Variants in STIM2 observed in about 807,000 individuals in gnomAD.
The protein encoded by STIM2 is stromal interaction molecule 2.
Under a neutral mutation model 85.8 loss-of-function variants are expected in STIM2, and 31 were observed. That is an observed-to-expected ratio of 0.36 (90% CI 0.27 to 0.49). The LOEUF (loss-of-function observed/expected upper bound fraction) is 0.49, where lower values mean the gene tolerates loss of function less well. Ranked by LOEUF, STIM2 falls within the 20% of genes least tolerant of loss-of-function variation. STIM2 has a pLI of 0.98. For synonymous variants in STIM2, 356 were observed against 331.1 expected (o/e 1.08, Z -0.82); for missense variants, 841 against 927.6 (o/e 0.91, Z 1.21).
At chr4:26,976,294 A>G (rs897988935) in intron 3 of STIM2, among the ~76,000 whole-genome samples, 2 of 150,098 alleles carry the variant, frequency 1.3e-5, no homozygotes, top group African/African-American at 4.9e-5. Flanking sequence ...CCAGGTACCT[A>G]TTGGAAATGC....
At chr4:26,873,830 C>T (rs554746581) in intron 1 of STIM2, 41 of 949,160 alleles carry the variant, frequency 4.3e-5, no homozygotes, top group Admixed American at 7.3e-5. Flanking sequence ...CCGCCTCAAC[C>T]GCCGTAGTGG....
At position 27,023,129 on chromosome 4, in the gene STIM2, A is replaced by T; in HGVS notation, c.*133A>T. 2.4e-6 allele frequency: 2 copies of T among 827,640 alleles called. No homozygotes were observed. The highest frequency in any genetic ancestry group is 3.8e-6 in the Non-Finnish European group (2 of 521,206). The allele number at this position is 827,640 out of a possible 1,614,324, so 51.3% of individuals were successfully genotyped here. ...TGGGGCTTTCCAGGCCGGATGCCATAGTGGAACATCCAGAAGGGCAACTGT... is the reference window on the plus strand; with the variant it reads ...TGGGGCTTTCCAGGCCGGATGCCATTGTGGAACATCCAGAAGGGCAACTGT... On this transcript the variant is annotated 3_prime_UTR_variant, in exon 12 of 12. Transcript: ENST00000467087.
At chr4:26,946,790 T>C (rs1725849671) in intron 2 of STIM2, among the ~76,000 whole-genome samples, 2 of 152,304 alleles carry the variant, frequency 1.3e-5, no homozygotes, top group African/African-American at 2.4e-5. Context: ...GTTTACCAGT[T>C]TGGTTTTGTG....
chr4:26,870,049 C>T (rs534749911), intron 1 of STIM2, among the ~76,000 whole-genome samples: 5 of 152,018 alleles, frequency 3.3e-5, no homozygotes, highest in East Asian at 3.9e-4. Context: ...AGTGAAGTAA[C>T]GCAGCCATAG....
At chr4:27,020,999 A>G (rs1424110793) in intron 11 of STIM2, 4 of 1,536,416 alleles carry the variant, frequency 2.6e-6, no homozygotes, top group East Asian at 2.4e-5. Flanking sequence ...TGGAGTGAAC[A>G]GTATTCACCT....
At position 27,002,979 on chromosome 4, in the gene STIM2, T is replaced by A; in HGVS notation, c.856T>A (p.Leu286Ile). Residue 286 changes from leucine (L) to isoleucine (I), a missense_variant, in exon 7 of 12, where the codon TTA becomes ATA. Leu to Ile is a conservative substitution (Grantham distance 5). This residue lies in a region of STIM2 where 408 missense variants were observed against 525.4 expected (regional missense o/e 0.78). Coordinates refer to ENST00000467087, the MANE Select transcript of STIM2 (RefSeq NM_020860.4). ...AAATGTTGCTGTAGAAAAGCAAAAT[T>A]TAGAGCGCAAAATGATGGATGAAAT... 2 of 1,600,634 alleles carry A rather than the reference T, an allele frequency of 1.2e-6. No individual in the cohort carries two copies. Among genetic ancestry groups the A allele is most frequent in the Middle Eastern group, 1.7e-4 (1 of 6,038 alleles).
intron 10 of STIM2, among the ~76,000 whole-genome samples, chr4:27,013,446 G>A (rs920736782): frequency 1.3e-5 from 2 of 151,950 alleles, no homozygotes; most frequent in East Asian, 1.9e-4. Flanking sequence ...GGCATCCACT[G>A]GGGTCTTAGA....
rs565284891 is a variant in STIM2, at chr4:26,918,907, T to A, written c.152-597T>A. 9.2e-5 allele frequency among the ~76,000 whole-genome samples: 14 copies of A among 152,310 alleles called. 1 individual carries two copies. In the East Asian group the frequency reaches 2.7e-3, roughly 29 times the overall value. ...AAAAACATCTGGTTAGTCTTTTTCT[T>A]TTGTTTGTTGTTGTCATAGTTGAAC... On this transcript the variant is annotated intron_variant, in intron 1 of 11. Coordinates refer to ENST00000467087, the MANE Select transcript of STIM2 (RefSeq NM_020860.4).
At position 27,022,555 on chromosome 4, in the gene STIM2, A is replaced by T. The variant is rs778125021; in HGVS notation, c.1800A>T (p.Leu600Phe). Residue 600 changes from leucine (L) to phenylalanine (F), a missense_variant, in exon 12 of 12, where the codon TTA becomes TTT. Around this residue, in one of 3 missense-constraint regions of STIM2, gnomAD observed 293 missense variants for 284.5 expected, o/e 1.03. Transcript: ENST00000467087. The stretch of plus-strand genomic sequence containing the variant: ...ACACAGCTTCAGAATGTGACTCCTT[A>T]AATTCTTCCATTGGAAGGAAACAGT... 2.5e-6 allele frequency: 4 copies of T among 1,607,308 alleles called. No homozygotes were observed. The highest frequency in any genetic ancestry group is 4.5e-5 in the East Asian group (2 of 44,704).
intron 2 of STIM2, among the ~76,000 whole-genome samples, chr4:26,927,879 AATATATAATATAAAT>A (rs1356237239): frequency 6.8e-6 from 1 of 146,450 alleles, no homozygotes; most frequent in East Asian, 1.9e-4. Flanking sequence ...ATTATATATT[AATATATAATATAAAT>A]ATATATTAAT....
chr4:26,995,522 C>T, intron 4 of STIM2, 32 bp downstream of exon 4: 2 of 1,418,316 alleles, frequency 1.4e-6, no homozygotes, highest in East Asian at 2.4e-5. Context: ...GTATTTTCCA[C>T]TCAGGGAGAA....
At chr4:26,985,778 C>T (rs1358003039) in intron 3 of STIM2, among the ~76,000 whole-genome samples, 1 of 151,988 alleles carries the variant, frequency 6.6e-6, no homozygotes, top group Non-Finnish European at 1.5e-5. Context: ...AACTTTTATG[C>T]CAGTTGCTTT....
intron 4 of STIM2, among the ~76,000 whole-genome samples, chr4:26,996,673 A>G (rs926480343): frequency 6.6e-6 from 1 of 152,158 alleles, no homozygotes; most frequent in South Asian, 2.1e-4. Context: ...TGGTACAACT[A>G]GATGCTTGAA....
chr4:26,871,749 C>T (rs1320810950), intron 1 of STIM2, among the ~76,000 whole-genome samples: 10 of 139,004 alleles, frequency 7.2e-5, no homozygotes, highest in Non-Finnish European at 4.5e-5. Flanking sequence ...GAGTATGTTG[C>T]CCAGGGCTGA....
Position 27,003,011 on chromosome 4 carries a change from T to C in STIM2, c.888T>C (p.Tyr296=), listed in dbSNP as rs1275323109. ...GCAAAATGATGGATGAAATCAATTA[T>C]GCAAAGGAGGAGGCTTGTCGGCTGA... The change falls in exon 7 of 12, where the codon TAT becomes TAC. Residue 296 remains tyrosine, a synonymous_variant. Transcript: ENST00000467087. 9 of 1,603,446 alleles carry C rather than the reference T, an allele frequency of 5.6e-6. No homozygotes were observed. Among genetic ancestry groups the C allele is most frequent in the African/African-American group, 5.4e-5 (4 of 74,060 alleles).
intron 2 of STIM2, among the ~76,000 whole-genome samples, chr4:26,954,070 A>G (rs2109090873): frequency 6.6e-6 from 1 of 152,284 alleles, no homozygotes; most frequent in African/African-American, 2.4e-5. Flanking sequence ...TGTCTGGGAA[A>G]AGGGTATGGC....
At chr4:26,933,076 G>A (rs1725262174) in intron 2 of STIM2, among the ~76,000 whole-genome samples, 1 of 151,996 alleles carries the variant, frequency 6.6e-6, no homozygotes, top group Non-Finnish European at 1.5e-5. Flanking sequence ...GAGCTTGTGG[G>A]AGAGTGAATC....
chr4:26,875,610 A>T (rs576107181), intron 1 of STIM2, among the ~76,000 whole-genome samples: 1 of 152,178 alleles, frequency 6.6e-6, no homozygotes, highest in South Asian at 2.1e-4. Context: ...TGAAAAGATA[A>T]TAAGTCTTTG....
chr4:27,006,621 C>T (rs1401432705), intron 7 of STIM2, among the ~76,000 whole-genome samples: 2 of 152,130 alleles, frequency 1.3e-5, no homozygotes, highest in African/African-American at 4.8e-5. Context: ...ATTATCTATT[C>T]CTTTTGTGTC....
Sources: allele counts gnomAD v4.1 joint callset (sites outside exome capture counted in the v4.1 genomes callset), GRCh38; gene constraint gnomAD v4.1.1; regional missense constraint gnomAD v4.1.1; transcripts MANE v1.5; gene names NCBI Gene and HGNC (gene_info 2026-07-23, HGNC 2026-07-21).